The following DHRS1 variants were observed in gnomAD, a reference collection of about 807,000 sequenced individuals.
DHRS1 encodes the protein dehydrogenase/reductase SDR family member 1.
DHRS1 carries 34 observed loss-of-function variants against 35.2 expected under a neutral mutation model. That is an observed-to-expected ratio of 0.97 (90% CI 0.74 to 1.29). DHRS1 has a LOEUF of 1.29. Among genes scored for constraint, DHRS1 ranks in the 50% most tolerant of loss-of-function variants. The pLI, the probability that DHRS1 is intolerant of heterozygous loss-of-function variation, is 0.00. For missense variants in DHRS1, 354 were observed against 403.6 expected, an observed-to-expected ratio of 0.88 and a Z score of 1.05; for synonymous variants, 133 against 160.0, an observed-to-expected ratio of 0.83 and a Z score of 1.27.
At chr14:24,296,959 C>T (rs1250332095) in intron 2 of DHRS1, 78 bp from the exon 3 acceptor site, 2 of 1,592,650 alleles carry the variant, frequency 1.3e-6, no homozygotes, top group Non-Finnish European at 1.7e-6. Context: ...CCAAAGTGGG[C>T]TTGAGAACTG....
At position 24,292,254 on chromosome 14, in the gene DHRS1, A is replaced by G. The variant is rs767198767; in HGVS notation, c.584T>C (p.Ile195Thr). The change falls in exon 6 of 9, where the codon ATT becomes ACT. Residue 195 changes from isoleucine (I) to threonine (T), a missense_variant. By Grantham distance (89) the Ile-to-Thr change is moderately conservative (BLOSUM62 -1). Coordinates refer to ENST00000288111, the MANE Select transcript of DHRS1 (RefSeq NM_001136050.3). Reference sequence around the variant, plus strand: ...CTCCTTCAGCAGTTCTGTCTGCACAATCCCCGGCCACAGAGACACACAGCT... The same window carrying G: ...CTCCTTCAGCAGTTCTGTCTGCACAGTCCCCGGCCACAGAGACACACAGCT... ...GVSCVSLWPG[I>T]VQTELLKEHM... is the part of the protein sequence containing the mutation. The G allele has an allele frequency of 4.3e-6, 7 of 1,613,896 alleles. No individual in the cohort carries two copies. Among genetic ancestry groups the G allele is most frequent in the East Asian group, 2.2e-5 (1 of 44,888 alleles).
At chr14:24,293,967 C>T (rs926976465) in intron 4 of DHRS1, 5 of 152,164 alleles carry the variant, frequency 3.3e-5, no homozygotes, top group South Asian at 4.1e-4. Context: ...CAATGTATTA[C>T]GAAAGGAACC....
At chr14:24,298,483 G>A (rs2139106152) in intron 2 of DHRS1, among the ~76,000 whole-genome samples, 1 of 152,332 alleles carries the variant, frequency 6.6e-6, no homozygotes, top group African/African-American at 2.4e-5. Context: ...AGTAAAAAAT[G>A]TGCAGTTCAA....
intron 4 of DHRS1, among the ~76,000 whole-genome samples, chr14:24,296,125 C>G (rs1336953517): frequency 2.0e-5 from 3 of 152,228 alleles, no homozygotes; most frequent in African/African-American, 7.2e-5. Flanking sequence ...TTGGTGTTCG[C>G]TCCTTCTTCT....
At chr14:24,298,696 C>A (rs555705471) in intron 2 of DHRS1, 32 of 380,472 alleles carry the variant, frequency 8.4e-5, no homozygotes, top group Non-Finnish European at 1.5e-4. Context: ...CCTGCCTCAG[C>A]CTCCGGAGTA....
rs201787891 is a variant in DHRS1, at chr14:24,298,959, C to T, written c.148G>A (p.Glu50Lys). 6.2e-7 allele frequency: 1 copy of T among 1,605,868 alleles called. No individual in the cohort carries two copies. Among genetic ancestry groups the T allele is most frequent in the South Asian group, 1.1e-5 (1 of 90,760 alleles). ...GTGGTCCCAGAGGAAGCACTCACCT[C>T]CTGAGCAACAACGCGAAGGGTGTCC... ...HLDTLRVVAQ[E>K]AQSLGGQCVP... Residue 50 changes from glutamate (E) to lysine (K), a missense_variant and splice_region_variant, in exon 2 of 9, where the codon GAG (glutamate) becomes AAG (lysine). Glu to Lys is a moderately conservative substitution (Grantham distance 56). Coordinates refer to ENST00000288111, the MANE Select transcript of DHRS1 (RefSeq NM_001136050.3).
Position 24,298,811 on chromosome 14 carries a change from G to C in DHRS1, c.150+146C>G, listed in dbSNP as rs2041309631. 4.8e-6 allele frequency: 5 copies of C among 1,032,962 alleles called. No homozygotes were observed. The South Asian group carries it at 1.2e-4, about 25-fold the overall frequency. 64.0% of individuals were successfully genotyped at this position (1,032,962 alleles called of 1,614,324 possible). On this transcript the variant is annotated intron_variant, in intron 2 of 8. Coordinates refer to ENST00000288111, the MANE Select transcript of DHRS1 (RefSeq NM_001136050.3). Reference sequence around the variant, plus strand: ...TTCTACCTTACCTGAAGTTATTTACGGGGTTTTTAATTTCCACTTTGAATA... The same window carrying C: ...TTCTACCTTACCTGAAGTTATTTACCGGGTTTTTAATTTCCACTTTGAATA...
Position 24,296,731 on chromosome 14 carries a change from A to C in DHRS1, c.294+7T>G, listed in dbSNP as rs1484909990. 1.2e-6 allele frequency: 2 copies of C among 1,614,076 alleles called. No individual in the cohort carries two copies. Among genetic ancestry groups the C allele is most frequent in the African/African-American group, 2.7e-5 (2 of 74,914 alleles). On this transcript the variant is annotated splice_region_variant and intron_variant, in intron 3 of 8. Coordinates refer to ENST00000288111, the MANE Select transcript of DHRS1 (RefSeq NM_001136050.3). ...ATGTGGAGTTGGGAACAAAGTTCAA[A>C]GGGTACCTGGACCCCTGCATAAGCA... is the stretch of plus-strand genomic sequence containing the variant.
chr14:24,291,494 G>A, intron 7 of DHRS1, 62 bp downstream of exon 7: 1 of 1,551,222 alleles, frequency 6.4e-7, no homozygotes, highest in East Asian at 2.2e-5. Context: ...CTGGGCACTG[G>A]ATGCTACCGC....
At chr14:24,296,682 AG>A in intron 3 of DHRS1, 55 bp downstream of exon 3, 1 of 1,613,714 alleles carries the variant, frequency 6.2e-7, no homozygotes, top group East Asian at 2.2e-5. Context: ...ATGAAGATGC[AG>A]GGGTCTGAGG....
intron 4 of DHRS1, chr14:24,294,550 T>G (rs1273240995): frequency 6.6e-6 from 1 of 152,012 alleles, no homozygotes; most frequent in Non-Finnish European, 1.5e-5. Flanking sequence ...GATTGCACAC[T>G]GCACTCTAGC....
intron 4 of DHRS1, among the ~76,000 whole-genome samples, chr14:24,296,159 A>G (rs1348800540): frequency 1.3e-5 from 2 of 152,176 alleles, no homozygotes; most frequent in Non-Finnish European, 2.9e-5. Flanking sequence ...GTCTAAAATA[A>G]AACAATTTCT....
chr14:24,292,691 C>T lies in DHRS1; in HGVS notation c.468G>A (p.Gln156=). Residue 156 remains glutamine, a synonymous_variant, in exon 5 of 9, where the codon CAG becomes CAA. Transcript: ENST00000288111. The part of the protein sequence containing the change: ...IVVISSPGSL[Q]YMFNVPYGVG... The stretch of plus-strand genomic sequence containing the variant: ...CACCATAGGGGACATTGAACATATA[C>T]TGCAGGCTTCCTGGGGAGGAGATGA... The T allele has an allele frequency of 2.5e-6, 4 of 1,614,256 alleles. No homozygotes were observed. The highest frequency in any genetic ancestry group is 3.4e-6 in the Non-Finnish European group (4 of 1,180,044).
intron 4 of DHRS1, among the ~76,000 whole-genome samples, chr14:24,294,894 C>T (rs967433721): frequency 7.9e-5 from 12 of 152,188 alleles, no homozygotes; most frequent in Admixed American, 2.6e-4. Context: ...TGAGCTGACG[C>T]TGCCTGGTGT....
At chr14:24,292,856 C>T (rs1385141814) in intron 4 of DHRS1, 72 bp from the exon 5 acceptor site, 1 of 1,517,306 alleles carries the variant, frequency 6.6e-7, no homozygotes, top group African/African-American at 1.4e-5. Flanking sequence ...CCTCTGGCGG[C>T]TTCCCCTGCC....
intron 4 of DHRS1, chr14:24,294,635 G>A (rs2041218884): frequency 1.3e-5 from 2 of 149,886 alleles, no homozygotes; most frequent in Admixed American, 1.3e-4. Context: ...CAGACGAGTG[G>A]GGGGAGTATG....
intron 1 of DHRS1, chr14:24,299,361 G>T: frequency 2.3e-6 from 1 of 431,850 alleles, no homozygotes; most frequent in Non-Finnish European, 4.2e-6. Context: ...ACTGTCCAGA[G>T]GTGGACAACT....
intron 4 of DHRS1, 116 bp downstream of exon 4, chr14:24,296,393 A>T: frequency 1.0e-6 from 1 of 978,890 alleles, no homozygotes. Context: ...AATGGAAGGG[A>T]GAAGAAAGAG....
intron 5 of DHRS1, 92 bp from the exon 6 acceptor site, chr14:24,292,422 CCCTGT>C: frequency 1.9e-6 from 3 of 1,555,612 alleles, no homozygotes; most frequent in South Asian, 2.3e-5. Flanking sequence ...GCTCCACCCA[CCCTGT>C]CCTTCCCAGG....
Sources: gnomAD v4.1 joint callset for allele counts (sites outside exome capture counted in the v4.1 genomes callset) on GRCh38, gnomAD v4.1.1 for gene constraint, MANE v1.5 for transcripts, NCBI Gene and HGNC (gene_info 2026-07-23, HGNC 2026-07-21) for gene names.